Variants in MBNL2 observed in about 807,000 individuals in gnomAD.
The protein encoded by MBNL2 is muscleblind like splicing regulator 2, also known as muscleblind-like protein 2.
A neutral mutation model predicts 41.9 loss-of-function variants in MBNL2; 17 were observed. The observed-to-expected ratio is 0.41, with a 90% CI of 0.28 to 0.61. MBNL2 has a LOEUF of 0.61. Ranked by LOEUF, MBNL2 falls within the 20% of genes least tolerant of loss-of-function variation. The pLI is 0.35. For synonymous variants in MBNL2, 195 were observed against 182.9 expected, an observed-to-expected ratio of 1.07 and a Z score of -0.53; for missense variants, 336 against 505.6, an observed-to-expected ratio of 0.66 and a Z score of 3.22.
intron 1 of MBNL2, 142 bp downstream of exon 1, chr13:97,222,673 C>T (rs1008891309): frequency 1.0e-5 from 4 of 389,724 alleles, no homozygotes; most frequent in African/African-American, 4.1e-5. Context: ...TGGAGTTTTA[C>T]GTAACATTTT....
chr13:97,189,902 G>C, the MBNL2 span, among the ~76,000 whole-genome samples: 1 of 152,208 alleles, frequency 6.6e-6, no homozygotes, highest in African/African-American at 2.4e-5. Flanking sequence ...GACTCTGCGT[G>C]GGCCACCTGC....
chr13:97,287,721 C>CTTTTTTTTTTT (rs768809008), intron 2 of MBNL2, among the ~76,000 whole-genome samples: 19 of 114,930 alleles, frequency 1.7e-4, no homozygotes, highest in African/African-American at 6.8e-4. Context: ...CTTTTCTTTT[C>CTTTTTTTTTTT]TTTTTTTTTT....
chr13:97,383,567 G>T (rs910037298), intron 8 of MBNL2, among the ~76,000 whole-genome samples: 1 of 152,236 alleles, frequency 6.6e-6, no homozygotes, highest in African/African-American at 2.4e-5. Flanking sequence ...GAAACTAGGG[G>T]AATTAGAGCT....
chr13:97,180,702 A>T, the MBNL2 span, among the ~76,000 whole-genome samples: 3 of 145,036 alleles, frequency 2.1e-5, no homozygotes, highest in Non-Finnish European at 4.5e-5. Context: ...AGATGGCACC[A>T]CTGCACTCCA....
At chr13:97,335,786 A>C (rs1454184704) in intron 3 of MBNL2, among the ~76,000 whole-genome samples, 1 of 152,232 alleles carries the variant, frequency 6.6e-6, no homozygotes, top group Non-Finnish European at 1.5e-5. Flanking sequence ...GACTAGACGC[A>C]GATAGAGTTC....
At chr13:97,147,313 G>A in the MBNL2 span, among the ~76,000 whole-genome samples, 3 of 152,238 alleles carry the variant, frequency 2.0e-5, no homozygotes, top group South Asian at 4.1e-4. Flanking sequence ...ATGTATGAAG[G>A]TAATTTGAGC....
intron 8 of MBNL2, among the ~76,000 whole-genome samples, chr13:97,365,980 T>A (rs1409504090): frequency 6.6e-6 from 1 of 151,790 alleles, no homozygotes; most frequent in Non-Finnish European, 1.5e-5. Context: ...AAAAAAAAAA[T>A]TCAATTTAAC....
chr13:97,277,718 A>G (rs1566385104), intron 2 of MBNL2, among the ~76,000 whole-genome samples: 1 of 152,206 alleles, frequency 6.6e-6, no homozygotes, highest in Non-Finnish European at 1.5e-5. Context: ...TTAGATCTGT[A>G]ATCTACATCA....
At chr13:97,306,010 T>C (rs975070689) in intron 2 of MBNL2, among the ~76,000 whole-genome samples, 2 of 152,214 alleles carry the variant, frequency 1.3e-5, no homozygotes, top group Non-Finnish European at 2.9e-5. Context: ...CCCGGAGGTG[T>C]CCTGGCATTT....
Position 97,347,019 on chromosome 13 carries a change from C to T in MBNL2, c.756C>T (p.Asn252=), listed in dbSNP as rs1428409346. 4 of 1,613,020 alleles carry T rather than the reference C, an allele frequency of 2.5e-6. No individual in the cohort carries two copies. In the South Asian group the frequency reaches 4.4e-5, roughly 18 times the overall value. The change falls in exon 5 of 9, where the codon AAC becomes AAT. Residue 252 remains asparagine (N), a synonymous_variant. Coordinates refer to ENST00000679496, the MANE Select transcript of MBNL2 (RefSeq NM_001382683.1). ...AKIKAAQHQA[N]QAAVAAQAAA... is the part of the protein sequence containing the mutation. ...TCAAAGCTGCGCAGCACCAAGCCAA[C>T]CAAGCTGCGGTGGCCGCCCAGGCAG...
chr13:97,380,354 T>G (rs1228162179), intron 8 of MBNL2, among the ~76,000 whole-genome samples: 5 of 151,816 alleles, frequency 3.3e-5, no homozygotes, highest in Admixed American at 1.3e-4. Context: ...ATTAGCCAGG[T>G]GTGGTGGTGG....
intron 1 of MBNL2, among the ~76,000 whole-genome samples, chr13:97,224,700 A>G (rs564744567): frequency 2.0e-5 from 3 of 152,098 alleles, no homozygotes; most frequent in Non-Finnish European, 4.4e-5. Flanking sequence ...CAAAGGGATA[A>G]AACCTCGGTA....
the MBNL2 span, among the ~76,000 whole-genome samples, chr13:97,197,821 T>A: frequency 3.0e-4 from 46 of 152,360 alleles, no homozygotes; most frequent in African/African-American, 1.1e-3. Flanking sequence ...AGCATTCGCC[T>A]GATTTTTATT....
chr13:97,197,399 T>C, the MBNL2 span, among the ~76,000 whole-genome samples: 3 of 152,356 alleles, frequency 2.0e-5, no homozygotes, highest in East Asian at 1.9e-4. Context: ...TTCCTAGTTA[T>C]TGAGTTTCTA....
chr13:97,226,034 T>C (rs1204037322), intron 1 of MBNL2, among the ~76,000 whole-genome samples: 1 of 152,152 alleles, frequency 6.6e-6, no homozygotes, highest in Non-Finnish European at 1.5e-5. Context: ...TTTTTTTTCT[T>C]TTAAAAAATG....
chr13:97,287,224 C>A (rs910016546), intron 2 of MBNL2, among the ~76,000 whole-genome samples: 6 of 152,146 alleles, frequency 3.9e-5, no homozygotes, highest in Admixed American at 3.9e-4. Flanking sequence ...CAGGTGTCAG[C>A]TAGAGCTATT....
chr13:97,332,044 A>AT (rs2060478463), intron 2 of MBNL2, among the ~76,000 whole-genome samples: 1 of 152,232 alleles, frequency 6.6e-6, no homozygotes, highest in African/African-American at 2.4e-5. Flanking sequence ...TGAATACAAT[A>AT]TAACAGCCAT....
chr13:97,195,407 C>T, the MBNL2 span, among the ~76,000 whole-genome samples: 1 of 152,080 alleles, frequency 6.6e-6, no homozygotes, highest in African/African-American at 2.4e-5. Flanking sequence ...CTGTGTGTGC[C>T]TCAAGGACAT....
chr13:97,363,801 A>G (rs191347840), intron 7 of MBNL2, among the ~76,000 whole-genome samples: 6 of 152,170 alleles, frequency 3.9e-5, no homozygotes, highest in Admixed American at 6.5e-5. Flanking sequence ...GCAGTAGCCC[A>G]GTTAAATAGC....
Sources: gnomAD v4.1 joint callset for allele counts (sites outside exome capture counted in the v4.1 genomes callset) on GRCh38, gnomAD v4.1.1 for gene constraint, MANE v1.5 for transcripts, NCBI Gene and HGNC (gene_info 2026-07-23, HGNC 2026-07-21) for gene names.